CACNG8: variants seen among roughly 807,000 people sequenced by gnomAD.
CACNG8 encodes calcium voltage-gated channel auxiliary subunit gamma 8, also known as voltage-dependent calcium channel gamma-8 subunit.
In CACNG8, 5 loss-of-function variants were observed where a neutral mutation model predicts 26.9. That is an observed-to-expected ratio of 0.19 (90% CI 0.10 to 0.39). The LOEUF is 0.39. Among genes scored for constraint, CACNG8 ranks in the 10% least tolerant of loss-of-function variants. CACNG8 has a pLI of 1.00. For missense variants in CACNG8, 473 were observed against 609.4 expected (o/e 0.78, Z 2.36); for synonymous variants, 321 against 296.7 (o/e 1.08, Z -0.84).
chr19:53,975,209 A>G (rs1385609718), intron 1 of CACNG8, among the ~76,000 whole-genome samples: 1 of 152,042 alleles, frequency 6.6e-6, no homozygotes, highest in Non-Finnish European at 1.5e-5. Flanking sequence ...CAGCCTCCCA[A>G]AATGCTGGGA....
rs946869864 is a variant in CACNG8, at chr19:53,967,842, CT to C, written c.283+4427del. 3.9e-3 allele frequency among the ~76,000 whole-genome samples: 588 copies of C among 149,918 alleles called. 11 individuals are homozygous for C. The highest frequency in any genetic ancestry group is 0.014 in the African/African-American group (553 of 40,934). On this transcript the variant is annotated intron_variant, in intron 1 of 3. Coordinates refer to ENST00000270458, the MANE Select transcript of CACNG8 (RefSeq NM_031895.6). Reference sequence around the variant, plus strand: ...AGAGAGAGACTCTAAGAAAAAAAAACTTTTTTTTTTGAATTCCATGTCATTT... The same window carrying C: ...AGAGAGAGACTCTAAGAAAAAAAAACTTTTTTTTTGAATTCCATGTCATTT...
intron 1 of CACNG8, among the ~76,000 whole-genome samples, chr19:53,971,823 C>T (rs764114419): frequency 6.6e-6 from 1 of 152,226 alleles, no homozygotes; most frequent in South Asian, 2.1e-4. Flanking sequence ...CAGTTCTCCA[C>T]GTGTCCGCAC....
chr19:53,979,921 T>C lies in CACNG8; in HGVS notation c.422T>C (p.Leu141Pro). 1 of 1,612,048 alleles carries C rather than the reference T, an allele frequency of 6.2e-7. No individual in the cohort carries two copies. Among genetic ancestry groups the C allele is most frequent in the Non-Finnish European group, 8.5e-7 (1 of 1,178,962 alleles). Residue 141 changes from leucine (L) to proline (P), a missense_variant, in exon 3 of 4, where the codon CTC becomes CCC. Around this residue, in one of 6 missense-constraint regions of CACNG8, gnomAD observed 155 missense variants for 253.0 expected, o/e 0.61. Transcript: ENST00000270458. ...ATCCTTAGCGCCATCCTGCTGCTGC[T>C]CGGGGGTGTGTGCGTGGCGGCCTCC...
chr19:53,976,303 G>A (rs1286593690), intron 1 of CACNG8, among the ~76,000 whole-genome samples: 2 of 152,206 alleles, frequency 1.3e-5, no homozygotes, highest in African/African-American at 2.4e-5. Context: ...GCAGTGAGCC[G>A]AGATTGTGCC....
rs926561131 is a variant in CACNG8, at chr19:53,982,019, CCGGGGGCGGGGG to C, written c.509-55_509-44del. The C allele has an allele frequency of 1.3e-5, 16 of 1,240,642 alleles. No individual in the cohort carries two copies. The highest frequency in any genetic ancestry group is 6.9e-5 in the Admixed American group (2 of 29,014). The allele number at this position is 1,240,642 out of a possible 1,614,324, so 76.9% of individuals were successfully genotyped here. On this transcript the variant is annotated intron_variant, in intron 3 of 3. Coordinates refer to ENST00000270458, the MANE Select transcript of CACNG8 (RefSeq NM_031895.6). The surrounding 1 kb of genome is among the most constrained non-coding windows in gnomAD (Gnocchi z 8.4). ...TGGCGCAGGCGGGCAGGGGTCGGGGCCGGGGGCGGGGGCGGGGCCGGGGGTGGCCTCGAGGCT... is the reference window on the plus strand; with the variant it reads ...TGGCGCAGGCGGGCAGGGGTCGGGGCCGGGGCCGGGGGTGGCCTCGAGGCT...
intron 3 of CACNG8, among the ~76,000 whole-genome samples, chr19:53,980,944 G>A (rs914134779): frequency 2.0e-5 from 3 of 152,178 alleles, no homozygotes; most frequent in African/African-American, 7.2e-5. Context: ...GATCTGCAAG[G>A]GGTGGGGCTT....
chr19:53,978,715 C>T (rs1457685418), intron 2 of CACNG8, among the ~76,000 whole-genome samples: 1 of 119,720 alleles, frequency 8.4e-6, no homozygotes, highest in Non-Finnish European at 1.7e-5. Context: ...AATCTAGTTG[C>T]CTGGGGTTTT....
In CACNG8 at chr19:53,985,937, C is replaced by CGAGAGAGAGAGAGAGAGA. The variant is rs35381014; in HGVS notation, c.*3095_*3112dup. 1.2e-4 allele frequency: 18 copies of CGAGAGAGAGAGAGAGAGA among 146,550 alleles called. No individual in the cohort carries two copies. Among genetic ancestry groups the CGAGAGAGAGAGAGAGAGA allele is most frequent in the African/African-American group, 4.1e-4 (16 of 39,132 alleles). 9.1% of individuals were successfully genotyped at this position (146,550 alleles called of 1,614,324 possible). ...TCTAGAGTCTGAAGGCCAAACAGAACGAGAGAGAGAGAGAGAGAGAGAGAA... is the reference window on the plus strand; with the variant it reads ...TCTAGAGTCTGAAGGCCAAACAGAACGAGAGAGAGAGAGAGAGAGAGAGAGAGAGAGAGAGAGAGAGAA... On this transcript the variant is annotated 3_prime_UTR_variant, in exon 4 of 4. Transcript: ENST00000270458.
chr19:53,977,520 C>A (rs928642528), intron 1 of CACNG8, among the ~76,000 whole-genome samples: 1 of 152,096 alleles, frequency 6.6e-6, no homozygotes, highest in Non-Finnish European at 1.5e-5. Flanking sequence ...CCTCTGCTTG[C>A]TTCAACTACT....
At chr19:53,970,008 C>A (rs1490247004) in intron 1 of CACNG8, among the ~76,000 whole-genome samples, 2 of 149,542 alleles carry the variant, frequency 1.3e-5, no homozygotes, top group African/African-American at 2.5e-5. Flanking sequence ...GTGGCAAGCG[C>A]CTGTAACCCC....
At chr19:53,978,394 C>T (rs930315981) in intron 2 of CACNG8, among the ~76,000 whole-genome samples, 165 bp downstream of exon 2, 5 of 152,108 alleles carry the variant, frequency 3.3e-5, no homozygotes, top group Admixed American at 6.5e-5. Flanking sequence ...TCCTCTGGTC[C>T]CCGATTGGCT....
chr19:53,981,024 C>T (rs1439229768), intron 3 of CACNG8, among the ~76,000 whole-genome samples: 1 of 151,818 alleles, frequency 6.6e-6, no homozygotes, highest in Non-Finnish European at 1.5e-5. Flanking sequence ...AGGACCCTGG[C>T]CAAGATCCGC....
rs918778601 is a variant in CACNG8 at position 53,988,474 on chromosome 19, C to A, written c.*5625C>A. On this transcript the variant is annotated 3_prime_UTR_variant, in exon 4 of 4. Coordinates refer to ENST00000270458, the MANE Select transcript of CACNG8 (RefSeq NM_031895.6). Reference sequence around the variant, plus strand: ...AATTAGACAGGTGCGGTGGTGCACACCTGTAATCCCAGCTACTTGAGAGGC... The same window carrying A: ...AATTAGACAGGTGCGGTGGTGCACAACTGTAATCCCAGCTACTTGAGAGGC... 1 of 151,912 alleles carries A rather than the reference C, an allele frequency of 6.6e-6. No homozygotes were observed. The highest frequency in any genetic ancestry group is 1.5e-5 in the Non-Finnish European group (1 of 68,054). The allele number at this position is 151,912 out of a possible 1,614,324, so 9.4% of individuals were successfully genotyped here. A position where few individuals can be genotyped will look rare whatever the true frequency, so the allele number is the denominator to read the frequency against.
chr19:53,970,184 C>T (rs536616603), intron 1 of CACNG8, among the ~76,000 whole-genome samples: 36 of 152,284 alleles, frequency 2.4e-4, no homozygotes, highest in African/African-American at 8.2e-4. Flanking sequence ...GGCGCAGTGG[C>T]GGGCGCCTGT....
At position 53,982,428 on chromosome 19, in the gene CACNG8, C is replaced by G; in HGVS notation, c.857C>G (p.Ser286Trp). 6.6e-7 allele frequency: 1 copy of G among 1,519,360 alleles called. No individual in the cohort carries two copies. Among genetic ancestry groups the G allele is most frequent in the Non-Finnish European group, 8.8e-7 (1 of 1,140,426 alleles). 94.1% of individuals were successfully genotyped at this position (1,519,360 alleles called of 1,614,324 possible). A position where few individuals can be genotyped will look rare whatever the true frequency, so the allele number is the denominator to read the frequency against. The change falls in exon 4 of 4, where the codon TCG becomes TGG. Residue 286 changes from serine to tryptophan, a missense_variant. Ser to Trp is a radical substitution (Grantham distance 177). This residue lies in a region of CACNG8 where 212 missense variants were observed against 214.4 expected (regional missense o/e 0.99). Transcript: ENST00000270458. This position sits in a 1 kb window ranked among gnomAD's most constrained non-coding sequence, Gnocchi z 8.4. ...TCCCGCTCCAGCGAGCCGTCGCCGTCGCGGGACGCGTCTCCCGGCGGCCCC... is the reference window on the plus strand; with the variant it reads ...TCCCGCTCCAGCGAGCCGTCGCCGTGGCGGGACGCGTCTCCCGGCGGCCCC...
intron 3 of CACNG8, 54 bp downstream of exon 3, chr19:53,980,061 T>C (rs2069355490): frequency 3.3e-6 from 2 of 600,378 alleles, no homozygotes; most frequent in East Asian, 4.6e-5. Context: ...CGCGCACGTG[T>C]GTGTGTGTGT....
At chr19:53,969,924 G>A (rs2069292403) in intron 1 of CACNG8, among the ~76,000 whole-genome samples, 1 of 152,002 alleles carries the variant, frequency 6.6e-6, no homozygotes, top group African/African-American at 2.4e-5. Context: ...CTGAGGCCAG[G>A]AGTTCGAGAC....
chr19:53,978,069 G>A, intron 1 of CACNG8, 77 bp from the exon 2 acceptor site: 1 of 963,834 alleles, frequency 1.0e-6, no homozygotes, highest in Non-Finnish European at 1.6e-6. Flanking sequence ...GGAAGGGAAG[G>A]GTCGGTTGTC....
rs2069417837 is a variant in CACNG8 at position 53,987,996 on chromosome 19, G to A, written c.*5147G>A. The A allele has an allele frequency of 6.6e-6, 1 of 152,312 alleles. No individual in the cohort carries two copies. Among genetic ancestry groups the A allele is most frequent in the Non-Finnish European group, 1.5e-5 (1 of 68,094 alleles). The allele number at this position is 152,312 out of a possible 1,614,324, so 9.4% of individuals were successfully genotyped here. On this transcript the variant is annotated 3_prime_UTR_variant, in exon 4 of 4. Coordinates refer to ENST00000270458, the MANE Select transcript of CACNG8 (RefSeq NM_031895.6). ...GATGTAGCAAAACGAGCTTAGGAGT[G>A]ATCTCGAGGTAGGCTGAAACCAGGA...
Sources: allele counts gnomAD v4.1 joint callset (sites outside exome capture counted in the v4.1 genomes callset), GRCh38; gene constraint gnomAD v4.1.1; regional missense constraint gnomAD v4.1.1; non-coding constraint Gnocchi (gnomAD v3.1); transcripts MANE v1.5; gene names NCBI Gene and HGNC (gene_info 2026-07-23, HGNC 2026-07-21).